Variants in KCNB2 observed in about 807,000 individuals in gnomAD.
The protein encoded by KCNB2 is potassium voltage-gated channel subfamily B member 2.
Under a neutral mutation model 61.5 loss-of-function variants are expected in KCNB2, and 15 were observed. The ratio of observed to expected loss-of-function variants is 0.24; its 90% CI spans 0.16 to 0.38. The LOEUF is 0.38. Among genes scored for constraint, KCNB2 ranks in the 10% least tolerant of loss-of-function variants. The probability of loss-of-function intolerance (pLI) is 1.00; values close to 1 mark genes in which losing one functional copy is unlikely to be tolerated. For synonymous variants in KCNB2, 457 were observed against 446.0 expected, an observed-to-expected ratio of 1.02 and a Z score of -0.31; for missense variants, 828 against 1,125.2, an observed-to-expected ratio of 0.74 and a Z score of 3.78.
intron 2 of KCNB2, among the ~76,000 whole-genome samples, chr8:72,636,041 G>A (rs549973213): frequency 2.6e-5 from 4 of 152,116 alleles, no homozygotes; most frequent in Non-Finnish European, 5.9e-5. Flanking sequence ...CGATTAGAAC[G>A]GTGCATGGCA....
intron 2 of KCNB2, among the ~76,000 whole-genome samples, chr8:72,729,824 G>A (rs569280728): frequency 3.3e-5 from 5 of 152,010 alleles, no homozygotes; most frequent in South Asian, 2.1e-4. Flanking sequence ...CGGGGCTTGC[G>A]GTTAGCTGAG....
At chr8:72,637,585 G>A (rs576609347) in intron 2 of KCNB2, among the ~76,000 whole-genome samples, 12 of 152,182 alleles carry the variant, frequency 7.9e-5, no homozygotes, top group African/African-American at 2.6e-4. Context: ...CTCATGCAGC[G>A]AAGATACGCC....
At chr8:72,599,340 C>A (rs972275943) in intron 2 of KCNB2, among the ~76,000 whole-genome samples, 1 of 152,094 alleles carries the variant, frequency 6.6e-6, no homozygotes, top group East Asian at 1.9e-4. Flanking sequence ...CAAAAACAAG[C>A]AATTGGGAAA....
chr8:72,687,312 C>T (rs2128989694), intron 2 of KCNB2, among the ~76,000 whole-genome samples: 1 of 152,260 alleles, frequency 6.6e-6, no homozygotes, highest in Non-Finnish European at 1.5e-5. Flanking sequence ...GCTCTGTTGT[C>T]ATCACCCAAT....
chr8:72,917,232 G>A (rs1026038158), intron 2 of KCNB2, among the ~76,000 whole-genome samples: 1 of 152,074 alleles, frequency 6.6e-6, no homozygotes, highest in Non-Finnish European at 1.5e-5. Flanking sequence ...AAATCAAAGT[G>A]AAATAAACTC....
chr8:72,923,618 G>A (rs1187735335), intron 2 of KCNB2, among the ~76,000 whole-genome samples: 1 of 152,106 alleles, frequency 6.6e-6, no homozygotes, highest in Non-Finnish European at 1.5e-5. Context: ...GTCAAGGAGT[G>A]GGGGTGGTCC....
chr8:72,777,021 G>A (rs1808667337), intron 2 of KCNB2, among the ~76,000 whole-genome samples: 1 of 152,092 alleles, frequency 6.6e-6, no homozygotes, highest in Admixed American at 6.5e-5. Flanking sequence ...AAATACACAG[G>A]AAATGTAGGC....
chr8:72,717,140 T>C (rs1436558722), intron 2 of KCNB2, among the ~76,000 whole-genome samples: 3 of 152,004 alleles, frequency 2.0e-5, no homozygotes, highest in African/African-American at 7.2e-5. Context: ...GAACTACAAA[T>C]CACAACTCAA....
chr8:72,611,459 A>G (rs568077854), intron 2 of KCNB2, among the ~76,000 whole-genome samples: 1 of 152,310 alleles, frequency 6.6e-6, no homozygotes, highest in East Asian at 1.9e-4. Context: ...CGGTATCCGA[A>G]TCTGCCAACA....
intron 1 of KCNB2, among the ~76,000 whole-genome samples, chr8:72,559,390 C>T (rs1320666740): frequency 6.6e-6 from 1 of 152,116 alleles, no homozygotes. Flanking sequence ...GGCAATCCAC[C>T]TGCCTCAGCC....
chr8:72,655,129 G>A (rs1342222649), intron 2 of KCNB2, among the ~76,000 whole-genome samples: 2 of 152,136 alleles, frequency 1.3e-5, no homozygotes, highest in Non-Finnish European at 2.9e-5. Context: ...AAAAGCATGA[G>A]ATCACGTCGT....
At position 72,937,197 on chromosome 8, in the gene KCNB2, A is replaced by C. The variant is rs1474178794; in HGVS notation, c.1842A>C (p.Thr614=). The part of the protein sequence containing the change: ...DSFTSCATDF[T]ETERSPLPPP... ...TCACCAGCTGTGCCACCGACTTCAC[A>C]GAGACAGAGAGATCGCCGCTGCCGC... The change falls in exon 3 of 3, where the codon ACA becomes ACC. Residue 614 remains threonine (T), a synonymous_variant. Transcript: ENST00000523207. 1 of 1,614,128 alleles carries C rather than the reference A, an allele frequency of 6.2e-7. No homozygotes were observed.
At chr8:72,571,210 TC>T (rs1806703290) in intron 2 of KCNB2, among the ~76,000 whole-genome samples, 2 of 152,344 alleles carry the variant, frequency 1.3e-5, no homozygotes, top group South Asian at 4.1e-4. Context: ...TAATAATTGT[TC>T]AGCCCATGCT....
chr8:72,765,642 T>A (rs925375675), intron 2 of KCNB2, among the ~76,000 whole-genome samples: 1 of 152,218 alleles, frequency 6.6e-6, no homozygotes, highest in African/African-American at 2.4e-5. Context: ...AGAGCTGAGA[T>A]AAGCACAGAC....
chr8:72,901,155 G>C (rs1214251576), intron 2 of KCNB2, among the ~76,000 whole-genome samples: 1 of 152,148 alleles, frequency 6.6e-6, no homozygotes, highest in Non-Finnish European at 1.5e-5. Flanking sequence ...AGAGACCCGT[G>C]GGAACACCAC....
At chr8:72,887,586 GC>G (rs1221647519) in intron 2 of KCNB2, among the ~76,000 whole-genome samples, 2 of 152,152 alleles carry the variant, frequency 1.3e-5, no homozygotes, top group Non-Finnish European at 2.9e-5. Context: ...ATTTATCCTG[GC>G]CCCCTACACA....
intron 2 of KCNB2, among the ~76,000 whole-genome samples, chr8:72,904,253 G>C (rs1202864012): frequency 1.3e-5 from 2 of 152,138 alleles, no homozygotes; most frequent in African/African-American, 4.8e-5. Context: ...AGTGTGTATA[G>C]ATCGTTTTAG....
intron 2 of KCNB2, among the ~76,000 whole-genome samples, chr8:72,843,453 T>C (rs544599420): frequency 1.2e-4 from 19 of 152,166 alleles, no homozygotes; most frequent in Non-Finnish European, 2.5e-4. Flanking sequence ...CTATTAGGTC[T>C]GCTTGGTCCA....
chr8:72,781,479 C>T (rs1054508328), intron 2 of KCNB2, among the ~76,000 whole-genome samples: 1 of 152,130 alleles, frequency 6.6e-6, no homozygotes, highest in Admixed American at 6.6e-5. Flanking sequence ...GGAATCCTTT[C>T]CACATTGCTT....
Sources: allele counts gnomAD v4.1 joint callset (sites outside exome capture counted in the v4.1 genomes callset), GRCh38; gene constraint gnomAD v4.1.1; transcripts MANE v1.5; gene names NCBI Gene and HGNC (gene_info 2026-07-23, HGNC 2026-07-21).